SLIT1: variants seen among roughly 807,000 people sequenced by gnomAD.
The protein encoded by SLIT1 is slit guidance ligand 1, also known as slit homolog 1 protein.
SLIT1 carries 66 observed loss-of-function variants against 186.1 expected under a neutral mutation model. The ratio of observed to expected loss-of-function variants is 0.35; its 90% CI spans 0.29 to 0.44. SLIT1 has a LOEUF of 0.44. SLIT1 is among the 20% of genes least tolerant of loss of function. The pLI is 1.00. For missense variants in SLIT1, 1,638 were observed against 2,037.4 expected, an observed-to-expected ratio of 0.80 and a Z score of 3.77; for synonymous variants, 761 against 833.8, an observed-to-expected ratio of 0.91 and a Z score of 1.50.
At chr10:97,081,762 C>T (rs1231488437) in intron 4 of SLIT1, among the ~76,000 whole-genome samples, 1 of 152,180 alleles carries the variant, frequency 6.6e-6, no homozygotes, top group Non-Finnish European at 1.5e-5. Context: ...GGGTCATCTG[C>T]AGGTGGCCAC....
rs560985492 is a variant in SLIT1 at position 97,140,764 on chromosome 10, C to T, written c.413+17054G>A. On this transcript the variant is annotated intron_variant, in intron 4 of 36. Coordinates refer to ENST00000266058, the MANE Select transcript of SLIT1 (RefSeq NM_003061.3). ...GGGCTCCTCGGCACCTCTGGTTTTG[C>T]CCAGGGATAAACCTCCTGTGTCTCT... Among the ~76,000 whole-genome samples the T allele has an allele frequency of 3.3e-5, 5 of 152,294 alleles. No individual in the cohort carries two copies. In the South Asian group the frequency reaches 1.0e-3, roughly 32 times the overall value.
chr10:97,145,530 G>A (rs1849808407), intron 4 of SLIT1, among the ~76,000 whole-genome samples: 1 of 152,108 alleles, frequency 6.6e-6, no homozygotes, highest in South Asian at 2.1e-4. Flanking sequence ...ACCCCTCTCT[G>A]CCGGGCTGTA....
chr10:97,112,880 G>A (rs1362471803), intron 4 of SLIT1, among the ~76,000 whole-genome samples: 2 of 151,992 alleles, frequency 1.3e-5, no homozygotes, highest in Non-Finnish European at 2.9e-5. Context: ...TTTTTGTAGA[G>A]ACAGGGTTTC....
At chr10:97,128,169 C>G (rs573268576) in intron 4 of SLIT1, among the ~76,000 whole-genome samples, 13 of 152,278 alleles carry the variant, frequency 8.5e-5, no homozygotes, top group Admixed American at 6.5e-4. Context: ...CCTCTTCTCC[C>G]CTCCTCCATC....
chr10:97,136,916 C>T (rs955483833), intron 4 of SLIT1, among the ~76,000 whole-genome samples: 18 of 152,164 alleles, frequency 1.2e-4, no homozygotes, highest in Admixed American at 3.9e-4. Flanking sequence ...GGGACAAGTC[C>T]TCCCTGTTAG....
At chr10:97,039,916 C>T in intron 21 of SLIT1, 72 bp downstream of exon 21, 2 of 1,556,080 alleles carry the variant, frequency 1.3e-6, no homozygotes, top group African/African-American at 1.4e-5. Flanking sequence ...AGGCCCCAGC[C>T]CCTCAGGAAA....
chr10:97,071,114 A>C (rs1253440534), intron 4 of SLIT1, among the ~76,000 whole-genome samples: 1 of 152,174 alleles, frequency 6.6e-6, no homozygotes, highest in East Asian at 1.9e-4. Context: ...TAAGACACAC[A>C]TCAAGTGAGG....
At chr10:97,156,719 C>T (rs993545834) in intron 4 of SLIT1, among the ~76,000 whole-genome samples, 2 of 152,270 alleles carry the variant, frequency 1.3e-5, no homozygotes, top group East Asian at 1.9e-4. Flanking sequence ...AAGCCCCAGA[C>T]TCTAGGAGCC....
chr10:97,146,910 TGG>T (rs1849824371), intron 4 of SLIT1, among the ~76,000 whole-genome samples: 1 of 116,932 alleles, frequency 8.6e-6, no homozygotes, highest in African/African-American at 2.8e-5. Flanking sequence ...TCCAATCTGG[TGG>T]AAAAGGCATT....
intron 11 of SLIT1, chr10:97,057,844 C>T (rs962815816): frequency 1.7e-5 from 10 of 585,334 alleles, no homozygotes; most frequent in African/African-American, 1.7e-4. Context: ...CAAAAAAACA[C>T]ATGTAGACAT....
Position 97,021,190 on chromosome 10 carries a change from T to C in SLIT1, c.2746+60A>G. ...GGACGCAGGCATGTTAGGAAGGCCC[T>C]GCAGTGTTGGGCAAGTTCTGTGAGC... On this transcript the variant is annotated intron_variant, in intron 26 of 36. Coordinates refer to ENST00000266058, the MANE Select transcript of SLIT1 (RefSeq NM_003061.3). The surrounding 1 kb of genome is among the most constrained non-coding windows in gnomAD (Gnocchi z 4.5). The C allele has an allele frequency of 6.5e-7, 1 of 1,541,930 alleles. No individual in the cohort carries two copies. Among genetic ancestry groups the C allele is most frequent in the Non-Finnish European group, 8.8e-7 (1 of 1,131,938 alleles).
chr10:97,181,314 G>T (rs775123590), intron 1 of SLIT1, among the ~76,000 whole-genome samples: 1 of 152,254 alleles, frequency 6.6e-6, no homozygotes. Context: ...GGCTGCAGTG[G>T]CCCCTGACCT....
intron 4 of SLIT1, among the ~76,000 whole-genome samples, chr10:97,131,671 T>C (rs1849655688): frequency 6.6e-6 from 1 of 152,234 alleles, no homozygotes; most frequent in Non-Finnish European, 1.5e-5. Flanking sequence ...CAGAACTTCC[T>C]GAAGGTCTCT....
At chr10:97,047,180 G>T in intron 16 of SLIT1, 115 bp from the exon 17 acceptor site, 1 of 702,272 alleles carries the variant, frequency 1.4e-6, no homozygotes. Context: ...AATTTATCTG[G>T]CAAAGCAAAT....
At chr10:97,076,112 G>T (rs1849043221) in intron 4 of SLIT1, among the ~76,000 whole-genome samples, 1 of 152,188 alleles carries the variant, frequency 6.6e-6, no homozygotes, top group Admixed American at 6.5e-5. Flanking sequence ...TTGTCCCACA[G>T]GCCCTTCCTG....
chr10:97,179,800 T>TCCCCCCCCCCCCCCCCCACCCCC (rs150754287), intron 1 of SLIT1, among the ~76,000 whole-genome samples: 2 of 126,462 alleles, frequency 1.6e-5, no homozygotes, highest in Admixed American at 8.3e-5. Context: ...CTCCACACCC[T>TCCCCCCCCCCCCCCCCCACCCCC]CCCCGCCCCC....
At chr10:97,171,403 G>A (rs996582862) in intron 1 of SLIT1, among the ~76,000 whole-genome samples, 1 of 152,050 alleles carries the variant, frequency 6.6e-6, no homozygotes, top group African/African-American at 2.4e-5. Flanking sequence ...ATTCACCTTG[G>A]CCCCTCTCCA....
intron 30 of SLIT1, 107 bp from the exon 31 acceptor site, chr10:97,011,237 A>G: frequency 1.3e-6 from 1 of 769,868 alleles, no homozygotes; most frequent in Non-Finnish European, 2.2e-6. Context: ...GTGAGGGAGA[A>G]CCTCAAGTTC....
intron 4 of SLIT1, among the ~76,000 whole-genome samples, chr10:97,151,749 G>A (rs772995296): frequency 3.9e-5 from 6 of 152,142 alleles, no homozygotes; most frequent in Admixed American, 6.5e-5. Flanking sequence ...TGCTGACCTC[G>A]TAGAGTGTTC....
Sources: gnomAD v4.1 joint callset for allele counts (sites outside exome capture counted in the v4.1 genomes callset) on GRCh38, gnomAD v4.1.1 for gene constraint, Gnocchi (gnomAD v3.1) non-coding constraint, MANE v1.5 for transcripts, NCBI Gene and HGNC (gene_info 2026-07-23, HGNC 2026-07-21) for gene names.